Variants in ITPKC observed in about 807,000 individuals in gnomAD.
The protein encoded by ITPKC is IP3 3-kinase C.
A neutral mutation model predicts 67.1 loss-of-function variants in ITPKC; 33 were observed. The ratio of observed to expected loss-of-function variants is 0.49; its 90% CI spans 0.37 to 0.66. The LOEUF is 0.66. Among genes scored for constraint, ITPKC ranks in the 30% least tolerant of loss-of-function variants. ITPKC has a pLI of 0.00. For synonymous variants in ITPKC, 341 were observed against 359.8 expected, an observed-to-expected ratio of 0.95 and a Z score of 0.59; for missense variants, 820 against 892.1, an observed-to-expected ratio of 0.92 and a Z score of 1.03.
intron 1 of ITPKC, among the ~76,000 whole-genome samples, chr19:40,721,362 CTT>C (rs60392285): frequency 1.8e-4 from 25 of 142,634 alleles, no homozygotes; most frequent in Admixed American, 2.8e-4. Flanking sequence ...TTGGATCTAA[CTT>C]TTTTTTTTTT....
Position 40,739,504 on chromosome 19 carries a change from T to C in ITPKC, c.1996T>C (p.Tyr666His). ...PWAEGNREDG[Y>H]LWGLDNMICL... ...GGCTGAGGGCAACCGTGAGGACGGCTACCTCTGGGGCCTGGACAACATGAT... is the reference window on the plus strand; with the variant it reads ...GGCTGAGGGCAACCGTGAGGACGGCCACCTCTGGGGCCTGGACAACATGAT... Residue 666 changes from tyrosine (Y) to histidine (H), a missense_variant, in exon 7 of 7, where the codon TAC becomes CAC. Transcript: ENST00000263370. 6.2e-7 allele frequency: 1 copy of C among 1,613,696 alleles called. No individual in the cohort carries two copies. Among genetic ancestry groups the C allele is most frequent in the Non-Finnish European group, 8.5e-7 (1 of 1,180,024 alleles).
At chr19:40,725,692 C>T (rs1235202124) in intron 2 of ITPKC, among the ~76,000 whole-genome samples, 2 of 152,242 alleles carry the variant, frequency 1.3e-5, no homozygotes, top group African/African-American at 2.4e-5. Context: ...GCTCTGTATT[C>T]ATGGGTGACC....
Position 40,739,458 on chromosome 19 carries a change from G to A in ITPKC, c.1950G>A (p.Thr650=), listed in dbSNP as rs776987634. ...CGGTGGCCTTGCCCGACCACCAGAC[G>A]CTCAGCCACAGGCTGCCCTGGGCTG... is the stretch of plus-strand genomic sequence containing the variant. The part of the protein sequence containing the change: ...GKTVALPDHQ[T]LSHRLPWAEG... Residue 650 remains threonine, a synonymous_variant, in exon 7 of 7, where the codon ACG becomes ACA. Coordinates refer to ENST00000263370, the MANE Select transcript of ITPKC (RefSeq NM_025194.3). 17 of 1,613,542 alleles carry A rather than the reference G, an allele frequency of 1.1e-5. No individual in the cohort carries two copies. Among genetic ancestry groups the A allele is most frequent in the Non-Finnish European group, 1.3e-5 (15 of 1,179,974 alleles).
At chr19:40,731,085 G>A (rs2082268532) in intron 3 of ITPKC, among the ~76,000 whole-genome samples, 1 of 152,310 alleles carries the variant, frequency 6.6e-6, no homozygotes, top group Non-Finnish European at 1.5e-5. Context: ...TTGCTGGAGT[G>A]GCTCAAATAA....
At chr19:40,726,241 CAAA>C (rs3042311) in intron 2 of ITPKC, among the ~76,000 whole-genome samples, 4 of 146,672 alleles carry the variant, frequency 2.7e-5, no homozygotes, top group Admixed American at 6.7e-5. Context: ...AACTTCGTCT[CAAA>C]AAAAAAAAAG....
At position 40,722,545 on chromosome 19, in the gene ITPKC, G is replaced by A. The variant is rs755708462; in HGVS notation, c.1156-2795G>A. Among the ~76,000 whole-genome samples, 8 of 152,160 alleles carry A rather than the reference G, an allele frequency of 5.3e-5. No individual in the cohort carries two copies. The South Asian group carries it at 1.0e-3, about 20-fold the overall frequency. On this transcript the variant is annotated intron_variant, in intron 1 of 6. Coordinates refer to ENST00000263370, the MANE Select transcript of ITPKC (RefSeq NM_025194.3). ...CTGAGGGGGCGGGAGAGATGAACACGTCCCTGATCCTGGGGTAGGAGAGGG... is the reference window on the plus strand; with the variant it reads ...CTGAGGGGGCGGGAGAGATGAACACATCCCTGATCCTGGGGTAGGAGAGGG...
Position 40,717,714 on chromosome 19 carries a change from T to C in ITPKC, c.579T>C (p.Asp193=). The change falls in exon 1 of 7, where the codon GAT becomes GAC. Residue 193 remains aspartate (D), a synonymous_variant. Transcript: ENST00000263370. ...TQPERVKSWA[D]NLWTHQNSSS... ...CAGAGAGGGTCAAGTCCTGGGCTGA[T>C]AACCTCTGGACCCACCAGAACAGTT... 1 of 1,613,836 alleles carries C rather than the reference T, an allele frequency of 6.2e-7. No individual in the cohort carries two copies. Among genetic ancestry groups the C allele is most frequent in the Non-Finnish European group, 8.5e-7 (1 of 1,179,944 alleles).
rs965046248 is a variant in ITPKC at position 40,740,512 on chromosome 19, C to T, written c.*952C>T. 6.6e-5 allele frequency: 14 copies of T among 211,442 alleles called. No individual in the cohort carries two copies. The highest frequency in any genetic ancestry group is 1.0e-4 in the Non-Finnish European group (11 of 106,038). The allele number at this position is 211,442 out of a possible 1,614,324, so 13.1% of individuals were successfully genotyped here. A position where few individuals can be genotyped will look rare whatever the true frequency, so the allele number is the denominator to read the frequency against. ...AAAAGCGCTGGGTGTGTGTCAGAGG[C>T]GCAGGGTGGGTGGGGCTGCCAGCCA... On this transcript the variant is annotated 3_prime_UTR_variant, in exon 7 of 7. Coordinates refer to ENST00000263370, the MANE Select transcript of ITPKC (RefSeq NM_025194.3).
chr19:40,722,831 C>T (rs2082228437), intron 1 of ITPKC, among the ~76,000 whole-genome samples: 1 of 152,182 alleles, frequency 6.6e-6, no homozygotes, highest in South Asian at 2.1e-4. Context: ...GTCTGGAGTG[C>T]AGTGGCACAA....
intron 6 of ITPKC, among the ~76,000 whole-genome samples, chr19:40,738,594 C>G (rs879822453): frequency 6.6e-6 from 1 of 152,204 alleles, no homozygotes; most frequent in Non-Finnish European, 1.5e-5. Flanking sequence ...CACCTGTAGT[C>G]TCAGCTACTC....
At chr19:40,719,109 T>TCAGCTTGC (rs1425463999) in intron 1 of ITPKC, among the ~76,000 whole-genome samples, 14 of 152,128 alleles carry the variant, frequency 9.2e-5, no homozygotes, top group Non-Finnish European at 1.6e-4. Flanking sequence ...CCGGAGTCCA[T>TCAGCTTGC]CAGCTTGCCA....
At chr19:40,729,799 C>T (rs573388489) in intron 3 of ITPKC, among the ~76,000 whole-genome samples, 20 of 152,060 alleles carry the variant, frequency 1.3e-4, no homozygotes, top group African/African-American at 4.1e-4. Flanking sequence ...AAGAAAATAG[C>T]GCCAAGTCCA....
At chr19:40,718,429 G>A (rs901390974) in intron 1 of ITPKC, 139 bp downstream of exon 1, 1 of 1,113,186 alleles carries the variant, frequency 9.0e-7, no homozygotes, top group Non-Finnish European at 1.2e-6. Context: ...TCCATCCACT[G>A]ACCTCCTCCC....
At chr19:40,727,075 C>A (rs935371021) in intron 2 of ITPKC, among the ~76,000 whole-genome samples, 2 of 152,126 alleles carry the variant, frequency 1.3e-5, no homozygotes, top group Non-Finnish European at 1.5e-5. Flanking sequence ...TGGCTCACGC[C>A]TGTAATCCCA....
At chr19:40,722,639 C>T (rs1018968484) in intron 1 of ITPKC, among the ~76,000 whole-genome samples, 2 of 152,162 alleles carry the variant, frequency 1.3e-5, no homozygotes, top group Admixed American at 6.5e-5. Flanking sequence ...ACTTGACATG[C>T]TTGTGGGGTG....
chr19:40,717,271 G>T lies in ITPKC; in HGVS notation c.136G>T (p.Ala46Ser), dbSNP rs1318023137. The T allele has an allele frequency of 1.4e-6, 2 of 1,421,714 alleles. No homozygotes were observed. Among genetic ancestry groups the T allele is most frequent in the Non-Finnish European group, 1.8e-6 (2 of 1,093,780 alleles). The allele number at this position is 1,421,714 out of a possible 1,614,324, so 88.1% of individuals were successfully genotyped here. A position where few individuals can be genotyped will look rare whatever the true frequency, so the allele number is the denominator to read the frequency against. ...QPGQQRPGPG[A>S]GAPAGRPEGG... Reference sequence around the variant, plus strand: ...GGGACAGCAGCGACCTGGGCCCGGCGCAGGGGCCCCGGCGGGGCGGCCGGA... The same window carrying T: ...GGGACAGCAGCGACCTGGGCCCGGCTCAGGGGCCCCGGCGGGGCGGCCGGA... Residue 46 changes from alanine to serine, a missense_variant, in exon 1 of 7, where the codon GCA (alanine) becomes TCA (serine). Transcript: ENST00000263370.
chr19:40,737,745 C>G lies in ITPKC; in HGVS notation c.1824C>G (p.Ile608Met). 6.2e-7 allele frequency: 1 copy of G among 1,614,156 alleles called. No individual in the cohort carries two copies. Among genetic ancestry groups the G allele is most frequent in the Non-Finnish European group, 8.5e-7 (1 of 1,180,002 alleles). ...CLEELREALEISPFFKTHEVV... is the reference protein window; with the variant it reads ...CLEELREALEMSPFFKTHEVV... ...AAGAACTTCGTGAAGCTCTGGAGAT[C>G]TCCCCCTTCTTCAAGACCCACGAGG... Residue 608 changes from isoleucine to methionine, a missense_variant, in exon 6 of 7, where the codon ATC (isoleucine) becomes ATG (methionine). Coordinates refer to ENST00000263370, the MANE Select transcript of ITPKC (RefSeq NM_025194.3).
chr19:40,737,876 C>A, intron 6 of ITPKC, 107 bp downstream of exon 6: 1 of 874,868 alleles, frequency 1.1e-6, no homozygotes, highest in Non-Finnish European at 1.8e-6. Flanking sequence ...AGGGGCTGGG[C>A]GTTGTGGCCC....
At chr19:40,724,175 G>A (rs2082235319) in intron 1 of ITPKC, among the ~76,000 whole-genome samples, 1 of 152,180 alleles carries the variant, frequency 6.6e-6, no homozygotes, top group Non-Finnish European at 1.5e-5. Flanking sequence ...TGGAGACCAA[G>A]ATGGGAGGAT....
Sources: allele counts gnomAD v4.1 joint callset (sites outside exome capture counted in the v4.1 genomes callset), GRCh38; gene constraint gnomAD v4.1.1; transcripts MANE v1.5; gene names NCBI Gene and HGNC (gene_info 2026-07-23, HGNC 2026-07-21).